The following KCNT1 variants were observed in gnomAD, a reference collection of about 807,000 sequenced individuals.
KCNT1 encodes the protein potassium channel subfamily T member 1.
In KCNT1, 78 loss-of-function variants were observed where a neutral mutation model predicts 147.8. The ratio of observed to expected loss-of-function variants is 0.53; its 90% CI spans 0.44 to 0.64. The LOEUF (loss-of-function observed/expected upper bound fraction) is 0.64, where lower values mean the gene tolerates loss of function less well. KCNT1 is among the 30% of genes least tolerant of loss of function. The pLI is 0.00. For synonymous variants in KCNT1, 867 were observed against 748.8 expected (o/e 1.16, Z -2.58); for missense variants, 1,419 against 1,750.3 (o/e 0.81, Z 3.38).
At chr9:135,736,933 C>T in intron 2 of KCNT1, 1 of 298,266 alleles carries the variant, frequency 3.4e-6, no homozygotes, top group Non-Finnish European at 6.2e-6. Flanking sequence ...CCACAGCGCC[C>T]TGCTTCCTGC....
intron 13 of KCNT1, among the ~76,000 whole-genome samples, chr9:135,767,586 C>A (rs943911219): frequency 3.9e-5 from 6 of 152,032 alleles, no homozygotes; most frequent in Non-Finnish European, 7.4e-5. Flanking sequence ...CCCAACCCAG[C>A]CCTGGGTGAA....
At chr9:135,770,248 G>A (rs1832658675) in intron 16 of KCNT1, 50 bp from the exon 17 acceptor site, 3 of 1,549,012 alleles carry the variant, frequency 1.9e-6, no homozygotes, top group African/African-American at 2.7e-5. Flanking sequence ...GGGGAGAAGG[G>A]GCAGCCATGG....
intron 29 of KCNT1, chr9:135,787,998 GCTGCCCCTGCACCCGCCCA>G (rs1486711566): frequency 2.0e-5 from 17 of 843,800 alleles, no homozygotes; most frequent in African/African-American, 1.7e-4. Context: ...CTCCCGTGCA[GCTGCCCCTGCACCCGCCCA>G]CTGTGCCGGC....
At chr9:135,727,675 G>A (rs535323223) in intron 2 of KCNT1, among the ~76,000 whole-genome samples, 136 of 152,332 alleles carry the variant, frequency 8.9e-4, no homozygotes, top group African/African-American at 3.1e-3. Flanking sequence ...CATGCCAAAG[G>A]CCACTCTGCA....
rs1359744304 is a variant in KCNT1 at position 135,755,123 on chromosome 9, C to T, written c.494C>T (p.Ala165Val). ...TGCTGCCTCCTTTCTCTTCCCAGGG[C>T]TCCTATTCTGTGGGTGGAGAGAAAG... ...FNDSSSEINWAPILWVERKMT... is the reference protein window; with the variant it reads ...FNDSSSEINWVPILWVERKMT... Residue 165 changes from alanine (A) to valine (V), a missense_variant and splice_region_variant, in exon 6 of 31, where the codon GCT becomes GTT. By Grantham distance (64) the Ala-to-Val change is moderately conservative. This residue lies in a region of KCNT1 where 401 missense variants were observed against 610.6 expected (regional missense o/e 0.66). Coordinates refer to ENST00000371757, the MANE Select transcript of KCNT1 (RefSeq NM_020822.3). 58 of 1,611,404 alleles carry T rather than the reference C, an allele frequency of 3.6e-5. No individual in the cohort carries two copies. Among genetic ancestry groups the T allele is most frequent in the Non-Finnish European group, 4.8e-5 (56 of 1,178,700 alleles).
chr9:135,721,307 A>AG (rs555171728), intron 2 of KCNT1, among the ~76,000 whole-genome samples: 4 of 152,004 alleles, frequency 2.6e-5, no homozygotes, highest in Non-Finnish European at 5.9e-5. Flanking sequence ...GTGGTGGGGT[A>AG]GGGGGTGGTT....
rs556820329 is a variant in KCNT1 at position 135,765,515 on chromosome 9, T to C, written c.1201-109T>C. The C allele has an allele frequency of 4.0e-4, 500 of 1,241,318 alleles. 2 individuals carry two copies. In the Middle Eastern group the frequency reaches 4.1e-3, roughly 10 times the overall value. 76.9% of individuals were successfully genotyped at this position (1,241,318 alleles called of 1,614,324 possible). A position where few individuals can be genotyped will look rare whatever the true frequency, so the allele number is the denominator to read the frequency against. ...CCTCCCACCAGATGCAAGATCACAG[T>C]GAGCTCTAGGGCCCAGAGGTGGTGG... On this transcript the variant is annotated intron_variant, in intron 12 of 30. Transcript: ENST00000371757.
chr9:135,764,186 A>G (rs1252301814), intron 11 of KCNT1, among the ~76,000 whole-genome samples: 2 of 152,166 alleles, frequency 1.3e-5, no homozygotes, highest in African/African-American at 2.4e-5. Flanking sequence ...GCCGGGCACC[A>G]TGACTCAGCC....
intron 2 of KCNT1, among the ~76,000 whole-genome samples, chr9:135,722,574 C>T (rs1383800146): frequency 6.6e-6 from 1 of 152,226 alleles, no homozygotes; most frequent in Non-Finnish European, 1.5e-5. Flanking sequence ...TCAGTCTTCC[C>T]AGCTGCTATG....
intron 11 of KCNT1, among the ~76,000 whole-genome samples, chr9:135,760,635 C>T (rs1034023908): frequency 6.6e-6 from 1 of 152,214 alleles, no homozygotes; most frequent in Middle Eastern, 3.4e-3. Context: ...AGCCCCAGCT[C>T]CCTCCCGCTA....
At chr9:135,724,106 TG>T (rs1451972883) in intron 2 of KCNT1, among the ~76,000 whole-genome samples, 9 of 152,212 alleles carry the variant, frequency 5.9e-5, no homozygotes, top group Non-Finnish European at 1.2e-4. Flanking sequence ...GAATAAGAGC[TG>T]ACTGTGGGAT....
In KCNT1 at chr9:135,773,130, C is replaced by T. The variant is rs990211450; in HGVS notation, c.2243+181C>T. 5.9e-5 allele frequency among the ~76,000 whole-genome samples: 9 copies of T among 152,220 alleles called. No homozygotes were observed. In the South Asian group the frequency reaches 1.9e-3, roughly 31 times the overall value. On this transcript the variant is annotated intron_variant, in intron 19 of 30. Transcript: ENST00000371757. ...GGGGGCCCAACACAGACATCAGGGC[C>T]ACATCACCCTCGTCGCCGGGGAGCA...
intron 2 of KCNT1, chr9:135,742,941 C>T (rs1830640922): frequency 6.1e-6 from 4 of 658,942 alleles, no homozygotes; most frequent in Non-Finnish European, 1.1e-5. Context: ...CCACCGGCAC[C>T]TCCCAGTACC....
rs1431807679 is a variant in KCNT1, at chr9:135,749,901, G to A, written c.255-197G>A. ...GAATCTTCAGAGGAGCCGAGGCTGGGTCGGCTGTCTGCTGGGTGTGACGGA... is the reference window on the plus strand; with the variant it reads ...GAATCTTCAGAGGAGCCGAGGCTGGATCGGCTGTCTGCTGGGTGTGACGGA... On this transcript the variant is annotated intron_variant, in intron 2 of 30. Transcript: ENST00000371757. Among the ~76,000 whole-genome samples the A allele has an allele frequency of 3.3e-5, 5 of 152,270 alleles. No individual in the cohort carries two copies. The East Asian group carries it at 7.7e-4, about 24-fold the overall frequency.
intron 19 of KCNT1, among the ~76,000 whole-genome samples, chr9:135,774,836 G>A (rs1171026096): frequency 6.6e-6 from 1 of 151,860 alleles, no homozygotes; most frequent in African/African-American, 2.4e-5. Context: ...TGAGGGGTGA[G>A]CCCCACCGCC....
At chr9:135,732,036 A>AGAGAGGGAGAGAGAGAGG (rs1564328401) in intron 2 of KCNT1, among the ~76,000 whole-genome samples, 17 of 137,290 alleles carry the variant, frequency 1.2e-4, no homozygotes, top group Non-Finnish European at 2.4e-4. Context: ...AGAGAGAGAG[A>AGAGAGGGAGAGAGAGAGG]GAGAGGGAGT....
intron 29 of KCNT1, among the ~76,000 whole-genome samples, chr9:135,787,594 A>C (rs1834163534): frequency 6.6e-6 from 1 of 152,126 alleles, no homozygotes; most frequent in Non-Finnish European, 1.5e-5. Context: ...GGAGCTGCTC[A>C]CGGGTGACTG....
At position 135,794,177 on chromosome 9, in the gene KCNT1, G is replaced by T. The variant is rs1834715196; in HGVS notation, c.*2016G>T. On this transcript the variant is annotated 3_prime_UTR_variant, in exon 31 of 31. Coordinates refer to ENST00000371757, the MANE Select transcript of KCNT1 (RefSeq NM_020822.3). ...AGCCCCACACTGGAAGAGCTGGCCT[G>T]CAGGAGGCACCATGGGGGAGTCGCA... 6.6e-6 allele frequency: 1 copy of T among 152,324 alleles called. No homozygotes were observed. The highest frequency in any genetic ancestry group is 1.5e-5 in the Non-Finnish European group (1 of 68,118). 9.4% of individuals were successfully genotyped at this position (152,324 alleles called of 1,614,324 possible).
At chr9:135,775,500 CT>C in intron 20 of KCNT1, 85 bp downstream of exon 20, 1 of 1,006,418 alleles carries the variant, frequency 9.9e-7, no homozygotes, top group Non-Finnish European at 1.5e-6. Context: ...TCTTTGGTCA[CT>C]TTACATTTCG....
Sources: allele counts gnomAD v4.1 joint callset (sites outside exome capture counted in the v4.1 genomes callset), GRCh38; gene constraint gnomAD v4.1.1; regional missense constraint gnomAD v4.1.1; transcripts MANE v1.5; gene names NCBI Gene and HGNC (gene_info 2026-07-23, HGNC 2026-07-21).